Variants in OFD1 observed in about 807,000 individuals in gnomAD.
OFD1 encodes OFD1 centriole and centriolar satellite protein, also known as centriole and centriolar satellite protein OFD1.
In OFD1, 12 loss-of-function variants were observed where a neutral mutation model predicts 81.4. The ratio of observed to expected loss-of-function variants is 0.15; its 90% CI spans 0.09 to 0.24. The LOEUF is 0.24. Among genes scored for constraint, OFD1 ranks in the 10% least tolerant of loss-of-function variants. The probability of loss-of-function intolerance (pLI) is 1.00; values close to 1 mark genes in which losing one functional copy is unlikely to be tolerated. For synonymous variants in OFD1, 256 were observed against 263.7 expected, an observed-to-expected ratio of 0.97 and a Z score of 0.28; for missense variants, 685 against 733.9, an observed-to-expected ratio of 0.93 and a Z score of 0.77.
At chrX:13,760,850 TAG>T in intron 16 of OFD1, 130 bp downstream of exon 16, 1 of 893,583 alleles carries the variant, frequency 1.1e-6, no homozygotes, top group Non-Finnish European at 1.6e-6. Context: ...CAGAGCTGTT[TAG>T]AGAGTGATAG....
At chrX:13,715,836 G>A in the OFD1 span, 130 of 971,699 alleles carry the variant, frequency 1.3e-4, no homozygotes, top group African/African-American at 2.0e-3. Context: ...ATATTCACCT[G>A]GCTGTGAAGA....
At chrX:13,714,856 G>A in the OFD1 span, among the ~76,000 whole-genome samples, 2 of 111,953 alleles carry the variant, frequency 1.8e-5, no homozygotes, top group East Asian at 5.6e-4. Context: ...AAAAAAATCT[G>A]CCATGTGCTC....
chrX:13,730,422 T>C (rs1023885594), upstream of OFD1, among the ~76,000 whole-genome samples: 1 of 111,851 alleles, frequency 8.9e-6, no homozygotes, highest in African/African-American at 3.3e-5. Flanking sequence ...AAATAACAGA[T>C]GCTGGAGAGG....
At chrX:13,739,865 G>T (rs1260533364) in intron 5 of OFD1, 4 of 752,034 alleles carry the variant, frequency 5.3e-6, no homozygotes, top group Non-Finnish European at 4.7e-6. Context: ...TAGACTTGAT[G>T]ATGGGCTTTG....
chrX:13,733,744 G>T (rs1234678442), upstream of OFD1, among the ~76,000 whole-genome samples: 1 of 110,239 alleles, frequency 9.1e-6, no homozygotes. Flanking sequence ...CAAGAAGGTC[G>T]TGGCTTTTTT....
At chrX:13,728,902 G>A in the OFD1 span, among the ~76,000 whole-genome samples, 1 of 112,144 alleles carries the variant, frequency 8.9e-6, no homozygotes, top group African/African-American at 3.2e-5. Flanking sequence ...CTTCAGCAAA[G>A]TCGCAGGATA....
At chrX:13,728,369 G>A in the OFD1 span, among the ~76,000 whole-genome samples, 4 of 111,669 alleles carry the variant, frequency 3.6e-5, no homozygotes, top group African/African-American at 1.3e-4. Context: ...CTGGCAAACC[G>A]AATCCAGTAG....
chrX:13,738,195 ATACTTT>A (rs1322210897), intron 3 of OFD1, among the ~76,000 whole-genome samples: 14 of 112,443 alleles, frequency 1.2e-4, no homozygotes, highest in East Asian at 5.5e-4. Context: ...TAATCACTTT[ATACTTT>A]TACTTATTGT....
At chrX:13,741,942 C>T (rs1026934176) in intron 5 of OFD1, among the ~76,000 whole-genome samples, 3 of 111,603 alleles carry the variant, frequency 2.7e-5, no homozygotes, top group Admixed American at 9.5e-5. Context: ...TTAGCTGGCT[C>T]CTGCAGGCCA....
At chrX:13,746,244 T>C in intron 6 of OFD1, 75 bp from the exon 7 acceptor site, 1 of 970,621 alleles carries the variant, frequency 1.0e-6, no homozygotes. Flanking sequence ...CTCTTTACTT[T>C]TGAACCAGAG....
At chrX:13,747,824 G>A (rs2047353517) in intron 8 of OFD1, among the ~76,000 whole-genome samples, 1 of 111,684 alleles carries the variant, frequency 9.0e-6, no homozygotes, top group Non-Finnish European at 1.9e-5. Flanking sequence ...GGTCATCCAT[G>A]TGACCATTTG....
intron 19 of OFD1, among the ~76,000 whole-genome samples, chrX:13,764,204 C>G (rs1355092613): frequency 8.9e-6 from 1 of 112,185 alleles, no homozygotes; most frequent in African/African-American, 3.2e-5. Context: ...CCTTGGGAAC[C>G]TTAAAGTTTG....
the OFD1 span, among the ~76,000 whole-genome samples, chrX:13,719,198 G>A: frequency 9.2e-6 from 1 of 108,870 alleles, no homozygotes; most frequent in African/African-American, 3.4e-5. Context: ...TTTATTTTAA[G>A]CATTTGGGAT....
Position 13,767,289 on chromosome X carries a change from T to G in OFD1, c.2757+5T>G, listed in dbSNP as rs1255930913. The G allele has an allele frequency of 4.1e-6, 5 of 1,209,542 alleles. No individual in the cohort carries two copies. Among genetic ancestry groups the G allele is most frequent in the Middle Eastern group, 4.6e-4 (2 of 4,350 alleles). ...GAAAAACTGTATCAGGAAAGGGTAA[T>G]AAGTATGACTTGATTCTCTGAACTG... On this transcript the variant is annotated splice_donor_5th_base_variant and intron_variant, in intron 20 of 22. Transcript: ENST00000340096.
upstream of OFD1, among the ~76,000 whole-genome samples, chrX:13,731,955 A>C (rs1196728741): frequency 8.9e-6 from 1 of 112,190 alleles, no homozygotes; most frequent in Non-Finnish European, 1.9e-5. Context: ...AGAAGTTAAG[A>C]GGATAAGAAA....
At chrX:13,718,741 A>C in the OFD1 span, among the ~76,000 whole-genome samples, 1 of 112,370 alleles carries the variant, frequency 8.9e-6, no homozygotes, top group Non-Finnish European at 1.9e-5. Context: ...TTAACTTAAA[A>C]CATCAATTCC....
In OFD1 at chrX:13,761,197, G is replaced by C; in HGVS notation, c.2373G>C (p.Pro791=). ...SLSIPPVSSP[P]EQKVGLYRRQ... ...CCATCCCTCCTGTCTCCAGCCCTCC[G>C]GAGCAGAAAGTGGGGTAAGTATAAC... Residue 791 remains proline, a synonymous_variant, in exon 17 of 23, where the codon CCG becomes CCC. Coordinates refer to ENST00000340096, the MANE Select transcript of OFD1 (RefSeq NM_003611.3). The C allele has an allele frequency of 8.3e-7, 1 of 1,210,656 alleles. No homozygotes were observed. Among genetic ancestry groups the C allele is most frequent in the Non-Finnish European group, 1.1e-6 (1 of 894,984 alleles).
chrX:13,772,107 C>CA (rs2048310560), downstream of OFD1: 1 of 112,045 alleles, frequency 8.9e-6, no homozygotes, highest in African/African-American at 3.3e-5. Context: ...AAATTTAAAG[C>CA]AAATACTCAT....
At chrX:13,729,003 A>G in the OFD1 span, among the ~76,000 whole-genome samples, 1 of 111,993 alleles carries the variant, frequency 8.9e-6, no homozygotes, top group Non-Finnish European at 1.9e-5. Context: ...CACAATTGCT[A>G]CAAAGAGAAT....
Sources: gnomAD v4.1 joint callset for allele counts (sites outside exome capture counted in the v4.1 genomes callset) on GRCh38, gnomAD v4.1.1 for gene constraint, MANE v1.5 for transcripts, NCBI Gene and HGNC (gene_info 2026-07-23, HGNC 2026-07-21) for gene names.